Variants in RUVBL1 observed in about 807,000 individuals in gnomAD.
The protein encoded by RUVBL1 is RuvB like AAA ATPase 1.
A neutral mutation model predicts 52.4 loss-of-function variants in RUVBL1; 4 were observed. The observed-to-expected ratio is 0.08, with a 90% confidence interval of 0.04 to 0.17. The LOEUF is 0.17. Ranked by LOEUF, RUVBL1 falls within the 10% of genes least tolerant of loss-of-function variation. The pLI is 1.00. For synonymous variants in RUVBL1, 217 were observed against 214.4 expected (o/e 1.01, Z -0.10); for missense variants, 298 against 572.8 (o/e 0.52, Z 4.90).
intron 8 of RUVBL1, among the ~76,000 whole-genome samples, chr3:128,094,410 C>T (rs543617308): frequency 3.3e-5 from 5 of 152,340 alleles, no homozygotes; most frequent in South Asian, 2.1e-4. Context: ...TGCATTTTCA[C>T]GGCAATCTGT....
At chr3:128,097,884 C>T (rs1465479859) in intron 7 of RUVBL1, among the ~76,000 whole-genome samples, 1 of 152,130 alleles carries the variant, frequency 6.6e-6, no homozygotes, top group Admixed American at 6.5e-5. Flanking sequence ...GTTTGGGAGC[C>T]CTGGGTGAAA....
intron 1 of RUVBL1, among the ~76,000 whole-genome samples, chr3:128,143,409 G>A (rs1467187045): frequency 6.6e-6 from 1 of 152,090 alleles, no homozygotes; most frequent in Non-Finnish European, 1.5e-5. Flanking sequence ...CTGACCTTGT[G>A]ATTCGCCCTT....
chr3:128,151,560 GA>G (rs1307996111), intron 1 of RUVBL1, among the ~76,000 whole-genome samples: 1 of 151,928 alleles, frequency 6.6e-6, no homozygotes, highest in Non-Finnish European at 1.5e-5. Flanking sequence ...TTTACTACTA[GA>G]TTTTTTTTAA....
chr3:128,105,144 G>A (rs568203188), intron 3 of RUVBL1, among the ~76,000 whole-genome samples: 10 of 141,342 alleles, frequency 7.1e-5, no homozygotes, highest in Middle Eastern at 3.9e-3. Context: ...ATAGAGTCTC[G>A]CTCTGTTGCC....
intron 3 of RUVBL1, among the ~76,000 whole-genome samples, chr3:128,110,697 T>C (rs1283914796): frequency 6.6e-6 from 1 of 152,086 alleles, no homozygotes; most frequent in Non-Finnish European, 1.5e-5. Flanking sequence ...CAAACTTCAA[T>C]GCTTATGGGG....
At chr3:128,080,748 T>C (rs1369114300), downstream of RUVBL1, among the ~76,000 whole-genome samples, 3 of 152,250 alleles carry the variant, frequency 2.0e-5, no homozygotes, top group Middle Eastern at 3.4e-3. Flanking sequence ...TGACAACTAG[T>C]TGTAATGGGT....
intron 1 of RUVBL1, among the ~76,000 whole-genome samples, chr3:128,150,721 ATATATTCTATATATATTCTAT>A (rs1944175834): frequency 8.3e-6 from 1 of 120,676 alleles, no homozygotes; most frequent in African/African-American, 3.2e-5. Flanking sequence ...TCTATATATT[ATATATTCTATATATATTCTAT>A]ATTATATATT....
intron 3 of RUVBL1, among the ~76,000 whole-genome samples, chr3:128,109,028 A>G (rs1477425718): frequency 4.6e-5 from 7 of 152,190 alleles, no homozygotes; most frequent in Non-Finnish European, 1.0e-4. Flanking sequence ...TTAAAGATAC[A>G]CACATGGGGT....
upstream of RUVBL1, among the ~76,000 whole-genome samples, chr3:128,124,412 C>T (rs1943749983): frequency 1.3e-5 from 2 of 151,970 alleles, no homozygotes; most frequent in South Asian, 4.1e-4. Context: ...CATGCAGCTA[C>T]AAACAAGCGG....
At chr3:128,139,921 G>A (rs571408006) in intron 1 of RUVBL1, among the ~76,000 whole-genome samples, 3 of 152,216 alleles carry the variant, frequency 2.0e-5, no homozygotes, top group African/African-American at 7.2e-5. Context: ...TGCTTAATGG[G>A]TACAAAACTA....
intron 8 of RUVBL1, among the ~76,000 whole-genome samples, chr3:128,091,464 T>C (rs1305846616): frequency 6.6e-6 from 1 of 152,238 alleles, no homozygotes; most frequent in Non-Finnish European, 1.5e-5. Flanking sequence ...ACTATTAATT[T>C]TAACATTTTA....
intron 1 of RUVBL1, among the ~76,000 whole-genome samples, chr3:128,152,149 C>T (rs1944228223): frequency 6.6e-6 from 1 of 152,196 alleles, no homozygotes; most frequent in Non-Finnish European, 1.5e-5. Context: ...GGTTTGTTAC[C>T]TCTGGTTGGT....
chr3:128,148,292 A>T (rs1944133877), intron 1 of RUVBL1, among the ~76,000 whole-genome samples: 1 of 152,134 alleles, frequency 6.6e-6, no homozygotes, highest in African/African-American at 2.4e-5. Context: ...GATGGTAGAG[A>T]TGTTCAGAGG....
At chr3:128,066,642 T>C (rs914216037) in intron 9 of RUVBL1, 2 of 378,992 alleles carry the variant, frequency 5.3e-6, no homozygotes, top group Non-Finnish European at 4.8e-6. Flanking sequence ...CAGGCTGGTA[T>C]CGAACTTCTG....
chr3:128,143,477 C>T (rs1261848833), intron 1 of RUVBL1, among the ~76,000 whole-genome samples: 1 of 152,190 alleles, frequency 6.6e-6, no homozygotes, highest in African/African-American at 2.4e-5. Flanking sequence ...CGCCAAGACC[C>T]TCATCTTAAT....
chr3:128,100,878 C>G, intron 5 of RUVBL1, 134 bp from the exon 6 acceptor site: 1 of 962,898 alleles, frequency 1.0e-6, no homozygotes, highest in Non-Finnish European at 1.5e-6. Context: ...TCCAAATATG[C>G]CCCACTCCCC....
intron 1 of RUVBL1, among the ~76,000 whole-genome samples, chr3:128,142,256 G>A (rs1304839279): frequency 6.6e-6 from 1 of 152,234 alleles, no homozygotes; most frequent in Non-Finnish European, 1.5e-5. Flanking sequence ...GCACATGGTA[G>A]TGGGGTCAGA....
chr3:128,080,259 T>C (rs1166633452), downstream of RUVBL1, among the ~76,000 whole-genome samples: 2 of 152,240 alleles, frequency 1.3e-5, no homozygotes, highest in African/African-American at 4.8e-5. Context: ...TACTAAAGTA[T>C]ACAATGAACT....
exon 1 of RUVBL1, chr3:128,153,266 C>T: frequency 7.4e-7 from 1 of 1,351,494 alleles, no homozygotes; most frequent in African/African-American, 1.5e-5. Flanking sequence ...CTAGAGGCTT[C>T]AGGCAGGAGG....
Sources: allele counts gnomAD v4.1 joint callset (sites outside exome capture counted in the v4.1 genomes callset), GRCh38; gene constraint gnomAD v4.1.1; transcripts MANE v1.5; gene names NCBI Gene and HGNC (gene_info 2026-07-23, HGNC 2026-07-21).